Variants in HYDIN observed in about 807,000 individuals in gnomAD.
The protein encoded by HYDIN is axonemal central pair apparatus protein HYDIN.
In HYDIN, 132 loss-of-function variants were observed where a neutral mutation model predicts 403.9. The observed-to-expected ratio is 0.33, with a 90% confidence interval of 0.28 to 0.38. The LOEUF is 0.38. HYDIN is among the 10% of genes least tolerant of loss of function. HYDIN has a pLI of 1.00. For missense variants in HYDIN, 2,827 were observed against 5,009.5 expected (o/e 0.56, Z 13.15); for synonymous variants, 1,202 against 1,891.7 (o/e 0.64, Z 9.46).
At chr16:70,998,674 C>G (rs902881469) in intron 23 of HYDIN, among the ~76,000 whole-genome samples, 1 of 140,400 alleles carries the variant, frequency 7.1e-6, no homozygotes, top group Non-Finnish European at 1.5e-5. Flanking sequence ...CGCAAATCTG[C>G]TCCAGATTAG....
At chr16:71,114,035 A>T (rs2083926693) in intron 10 of HYDIN, 1 of 150,378 alleles carries the variant, frequency 6.6e-6, no homozygotes. Context: ...CTGTGTTCTC[A>T]CTGCATCCTG....
intron 1 of HYDIN, among the ~76,000 whole-genome samples, chr16:71,215,915 A>C (rs2144744541): frequency 6.6e-6 from 1 of 152,290 alleles, no homozygotes; most frequent in East Asian, 1.9e-4. Context: ...TGTAATTAAA[A>C]CCACAAGATG....
rs370482819 is a variant in HYDIN, at chr16:70,862,126, G to A, written c.11699C>T (p.Pro3900Leu). ...FSVEPSSGIV[P>L]VGKIQKFKVK... ...TTTGAACTTCTGAATCTTCCCCACC[G>A]GCACGATTCCCGAAGAGGGCTCCAC... Residue 3900 changes from proline (P) to leucine (L), a missense_variant, in exon 69 of 86, where the codon CCG becomes CTG. By Grantham distance (98) the Pro-to-Leu change is moderately conservative. Transcript: ENST00000393567. The A allele has an allele frequency of 1.5e-5, 24 of 1,611,944 alleles. No homozygotes were observed. Among genetic ancestry groups the A allele is most frequent in the Non-Finnish European group, 1.9e-5 (22 of 1,179,168 alleles).
chr16:71,003,476 A>G lies in HYDIN; in HGVS notation c.3645-11266T>C, dbSNP rs113861577. Among the ~76,000 whole-genome samples, 163 of 145,582 alleles carry G rather than the reference A, an allele frequency of 1.1e-3. 2 individuals carry two copies. Among genetic ancestry groups the G allele is most frequent in the African/African-American group, 4.0e-3 (155 of 38,984 alleles). ...ACTTTTTTTTTTTTTACCGCATTCT[A>G]TTTTCTAGTTGTTGCTGCTATACAG... On this transcript the variant is annotated intron_variant, in intron 23 of 85. Coordinates refer to ENST00000393567, the MANE Select transcript of HYDIN (RefSeq NM_001270974.2).
At chr16:70,890,774 A>C (rs1056968026) in intron 57 of HYDIN, among the ~76,000 whole-genome samples, 2 of 152,082 alleles carry the variant, frequency 1.3e-5, no homozygotes, top group Non-Finnish European at 1.5e-5. Context: ...TTGCTGTTGG[A>C]ACAACTATTA....
intron 75 of HYDIN, among the ~76,000 whole-genome samples, chr16:70,845,974 G>T (rs2038175312): frequency 6.6e-6 from 1 of 150,488 alleles, no homozygotes; most frequent in African/African-American, 2.5e-5. Flanking sequence ...CAGTTTTGTT[G>T]ATCCTTTCAA....
In HYDIN at chr16:70,985,234, G is replaced by C. The variant is rs750605102; in HGVS notation, c.4283C>G (p.Ser1428Cys). 4.4e-6 allele frequency: 7 copies of C among 1,585,648 alleles called. No homozygotes were observed. In the Middle Eastern group the frequency reaches 1.0e-3, roughly 229 times the overall value. The stretch of plus-strand genomic sequence containing the variant: ...TCCAGGGAGAAGGTTGTCTGGAGAA[G>C]ACTGGTGGTCAGTCAGAACCTTGAA... ...FEFKVLTDHQ[S>C]SPDNLLPGVP... The change falls in exon 28 of 86, where the codon TCT becomes TGT. Residue 1428 changes from serine to cysteine, a missense_variant. Ser to Cys is a moderately radical substitution (Grantham distance 112, BLOSUM62 -1). Coordinates refer to ENST00000393567, the MANE Select transcript of HYDIN (RefSeq NM_001270974.2).
intron 5 of HYDIN, 89 bp downstream of exon 5, chr16:71,175,518 C>T: frequency 1.5e-6 from 2 of 1,343,576 alleles, no homozygotes; most frequent in Non-Finnish European, 1.0e-6. Context: ...ACCACCACCA[C>T]CACCAGCACT....
At chr16:70,982,168 A>G (rs1358151684) in intron 28 of HYDIN, among the ~76,000 whole-genome samples, 3 of 151,828 alleles carry the variant, frequency 2.0e-5, no homozygotes, top group Non-Finnish European at 4.4e-5. Flanking sequence ...ATCGTTCATA[A>G]ATATATAGTA....
chr16:71,203,523 G>C (rs1414859366), intron 1 of HYDIN, among the ~76,000 whole-genome samples: 3 of 152,148 alleles, frequency 2.0e-5, no homozygotes, highest in Non-Finnish European at 2.9e-5. Flanking sequence ...GAGAGAATAA[G>C]CTTATACTTT....
chr16:71,192,446 T>C (rs975792672), intron 1 of HYDIN, among the ~76,000 whole-genome samples: 3 of 152,130 alleles, frequency 2.0e-5, no homozygotes, highest in Admixed American at 6.5e-5. Context: ...TCCGGAACAC[T>C]CTCCACACTC....
Position 70,866,186 on chromosome 16 carries a change from G to A in HYDIN, c.11454C>T (p.Tyr3818=). The change falls in exon 67 of 86, where the codon TAC becomes TAT. Residue 3818 remains tyrosine, a synonymous_variant. Coordinates refer to ENST00000393567, the MANE Select transcript of HYDIN (RefSeq NM_001270974.2). ...TGACTCACTCAAACACTCGGGTCTGGTAAACCAAGGTTTCCTTAAAGCGCA... is the reference window on the plus strand; with the variant it reads ...TGACTCACTCAAACACTCGGGTCTGATAAACCAAGGTTTCCTTAAAGCGCA... The part of the protein sequence containing the change: ...RDVRFKETLV[Y]QTRVFEFDVI... The A allele has an allele frequency of 6.3e-7, 1 of 1,592,166 alleles. No individual in the cohort carries two copies. The highest frequency in any genetic ancestry group is 8.6e-7 in the Non-Finnish European group (1 of 1,168,160).
At chr16:71,154,136 C>A (rs2085658496) in intron 6 of HYDIN, among the ~76,000 whole-genome samples, 1 of 141,784 alleles carries the variant, frequency 7.1e-6, no homozygotes, top group African/African-American at 2.7e-5. Context: ...GAGTTTATGT[C>A]AGGGGTAGCA....
chr16:71,195,911 T>C (rs548578179), intron 1 of HYDIN, among the ~76,000 whole-genome samples: 1 of 152,272 alleles, frequency 6.6e-6, no homozygotes, highest in African/African-American at 2.4e-5. Flanking sequence ...TACTGGAAAC[T>C]TGTTCAAACT....
chr16:71,018,563 T>TA (rs1279967576), intron 22 of HYDIN, 121 bp from the exon 23 acceptor site: 30 of 661,674 alleles, frequency 4.5e-5, no homozygotes, highest in Non-Finnish European at 2.7e-5. Context: ...CACACACAGA[T>TA]ACACGCATAT....
chr16:71,041,366 G>A (rs1568042138), intron 18 of HYDIN, among the ~76,000 whole-genome samples: 1 of 151,426 alleles, frequency 6.6e-6, no homozygotes, highest in East Asian at 1.9e-4. Flanking sequence ...ATTTGACCCA[G>A]CAACGGCATT....
rs1489069564 is a variant in HYDIN at position 70,999,904 on chromosome 16, T to G, written c.3645-7694A>C. On this transcript the variant is annotated intron_variant, in intron 23 of 85. Transcript: ENST00000393567. ...CTCGAAGCTCTCTAGTCTAGATGGA[T>G]TTCTGTGTAAAAAGGCCACTTCTAT... Among the ~76,000 whole-genome samples, 3 of 152,160 alleles carry G rather than the reference T, an allele frequency of 2.0e-5. No homozygotes were observed. In the East Asian group the frequency reaches 5.8e-4, roughly 29 times the overall value.
Position 70,938,669 on chromosome 16 carries a change from C to T in HYDIN, c.6940G>A (p.Glu2314Lys). Residue 2314 changes from glutamate to lysine, a missense_variant, in exon 44 of 86, where the codon GAG (glutamate) becomes AAG (lysine). Transcript: ENST00000393567. ...ATCCCCCGATCGAATGTGAGTTTCT[C>T]CTCCTCAGTCAGGGCATCATATTCT... is the stretch of plus-strand genomic sequence containing the variant. ...EEEYDALTEE[E>K]KLTFDRGIQQ... 1 of 1,611,616 alleles carries T rather than the reference C, an allele frequency of 6.2e-7. No individual in the cohort carries two copies. The highest frequency in any genetic ancestry group is 8.5e-7 in the Non-Finnish European group (1 of 1,177,936).
chr16:70,978,725 C>T (rs868465937), intron 30 of HYDIN, among the ~76,000 whole-genome samples, 189 bp downstream of exon 30: 89 of 152,304 alleles, frequency 5.8e-4, no homozygotes, highest in Non-Finnish European at 2.5e-4. Flanking sequence ...GATTCTTTGC[C>T]TTATCTCTGT....
Sources: gnomAD v4.1 joint callset for allele counts (sites outside exome capture counted in the v4.1 genomes callset) on GRCh38, gnomAD v4.1.1 for gene constraint, MANE v1.5 for transcripts, NCBI Gene and HGNC (gene_info 2026-07-23, HGNC 2026-07-21) for gene names.